The following DMD variants were observed in gnomAD, a reference collection of about 807,000 sequenced individuals.
The protein encoded by DMD is dystrophin.
In DMD, 63 loss-of-function variants were observed where a neutral mutation model predicts 330.1. The ratio of observed to expected loss-of-function variants is 0.19; its 90% CI spans 0.16 to 0.24. DMD has a LOEUF of 0.24. DMD is among the 10% of genes least tolerant of loss of function. The pLI is 1.00. For missense variants in DMD, 3,344 were observed against 2,684.1 expected (o/e 1.25, Z -5.43); for synonymous variants, 1,223 against 959.8 (o/e 1.27, Z -5.07).
intron 44 of DMD, among the ~76,000 whole-genome samples, chrX:31,984,530 A>G (rs1192455879): frequency 8.9e-6 from 1 of 112,402 alleles, no homozygotes; most frequent in Non-Finnish European, 1.9e-5. Context: ...AATCAAATAG[A>G]TCTTTTCTCT....
intron 9 of DMD, among the ~76,000 whole-genome samples, chrX:32,681,884 G>A (rs1277343113): frequency 9.8e-6 from 1 of 101,648 alleles, no homozygotes; most frequent in African/African-American, 4.7e-5. Flanking sequence ...TCTCTTTGCA[G>A]TCTAAGGTAA....
intron 59 of DMD, among the ~76,000 whole-genome samples, chrX:31,445,623 G>C (rs1190389313): frequency 9.0e-6 from 1 of 111,563 alleles, no homozygotes; most frequent in African/African-American, 3.3e-5. Context: ...AGGGTATTTT[G>C]TCAAGTCCTC....
At chrX:33,225,685 C>T (rs982817584) in intron 1 of DMD, among the ~76,000 whole-genome samples, 9 of 110,997 alleles carry the variant, frequency 8.1e-5, no homozygotes, top group African/African-American at 1.6e-4. Context: ...ACGTTAAAAT[C>T]GTGTGCCTTA....
chrX:31,797,187 A>C (rs2091871921), intron 50 of DMD, among the ~76,000 whole-genome samples: 1 of 112,038 alleles, frequency 8.9e-6, no homozygotes, highest in South Asian at 3.8e-4. Context: ...CCAATCAGCC[A>C]AGATGCTGGC....
intron 2 of DMD, among the ~76,000 whole-genome samples, chrX:32,983,581 G>T (rs1195689838): frequency 1.5e-5 from 1 of 68,959 alleles, no homozygotes; most frequent in African/African-American, 5.3e-5. Context: ...ACACATATAG[G>T]AACACCGAGA....
At chrX:31,925,472 T>C (rs142247288) in intron 47 of DMD, among the ~76,000 whole-genome samples, 2,037 of 110,605 alleles carry the variant, frequency 0.018, 55 homozygotes, top group African/African-American at 0.063. Flanking sequence ...TAAAAAGACA[T>C]GAAAGAGATG....
intron 44 of DMD, among the ~76,000 whole-genome samples, chrX:32,130,525 AT>A (rs1231446047): frequency 1.8e-5 from 2 of 111,280 alleles, no homozygotes; most frequent in Admixed American, 9.6e-5. Context: ...TTAACATTTA[AT>A]TTATAAACAA....
intron 62 of DMD, among the ~76,000 whole-genome samples, chrX:31,267,954 T>G (rs368903761): frequency 8.9e-6 from 1 of 112,570 alleles, no homozygotes; most frequent in Admixed American, 9.3e-5. Flanking sequence ...TTTATTTTGT[T>G]GGCTTGCTTT....
chrX:32,568,782 G>A (rs1046997278), intron 15 of DMD, among the ~76,000 whole-genome samples: 2 of 110,749 alleles, frequency 1.8e-5, no homozygotes, highest in African/African-American at 3.3e-5. Context: ...AACTGAGGGA[G>A]GAAAAGAAAG....
At chrX:32,902,514 T>A (rs1350536155) in intron 2 of DMD, among the ~76,000 whole-genome samples, 2 of 110,843 alleles carry the variant, frequency 1.8e-5, no homozygotes, top group African/African-American at 6.7e-5. Flanking sequence ...TGGACAGATA[T>A]ATTAATCCAT....
At chrX:31,750,548 C>G (rs2088440413) in intron 51 of DMD, among the ~76,000 whole-genome samples, 1 of 111,127 alleles carries the variant, frequency 9.0e-6, no homozygotes, top group African/African-American at 3.3e-5. Flanking sequence ...GTTACTGTAG[C>G]CTTGTACTAT....
intron 44 of DMD, among the ~76,000 whole-genome samples, chrX:32,076,272 A>G (rs989944469): frequency 1.8e-5 from 2 of 109,316 alleles, no homozygotes; most frequent in African/African-American, 6.7e-5. Context: ...GCTTTAAAAG[A>G]GCTAGACAGG....
At chrX:33,008,461 C>T (rs2088502245) in intron 2 of DMD, among the ~76,000 whole-genome samples, 1 of 110,387 alleles carries the variant, frequency 9.1e-6, no homozygotes, top group African/African-American at 3.3e-5. Context: ...AGAGGAAGAC[C>T]TTCAGAGTGT....
At chrX:32,801,239 T>G (rs1207463113) in intron 7 of DMD, among the ~76,000 whole-genome samples, 2 of 111,906 alleles carry the variant, frequency 1.8e-5, no homozygotes, top group African/African-American at 6.5e-5. Flanking sequence ...AGATGGTATC[T>G]CATTGTGGTT....
chrX:31,894,756 A>G (rs752624505), intron 47 of DMD, among the ~76,000 whole-genome samples: 59 of 111,673 alleles, frequency 5.3e-4, no homozygotes, highest in Admixed American at 2.9e-3. Flanking sequence ...AACTTTTTAC[A>G]CAGTAGATAC....
chrX:31,333,881 A>C (rs1342592030), intron 61 of DMD, among the ~76,000 whole-genome samples: 1 of 111,795 alleles, frequency 8.9e-6, no homozygotes, highest in East Asian at 2.8e-4. Flanking sequence ...CCCTTTTCTG[A>C]ACAGAAGGGC....
At chrX:32,873,542 T>C (rs1030617091) in intron 2 of DMD, among the ~76,000 whole-genome samples, 5 of 111,535 alleles carry the variant, frequency 4.5e-5, no homozygotes, top group African/African-American at 1.6e-4. Flanking sequence ...CATGAGTACA[T>C]CAAGGCACAT....
chrX:32,452,454 A>AG (rs2098337540), intron 26 of DMD, among the ~76,000 whole-genome samples: 2 of 14,100 alleles, frequency 1.4e-4, no homozygotes, highest in African/African-American at 3.9e-4. Flanking sequence ...AGGAAAGGAA[A>AG]GGAAAGGAAA....
intron 7 of DMD, among the ~76,000 whole-genome samples, chrX:32,701,392 CT>C (rs1907165765): frequency 8.9e-6 from 1 of 111,903 alleles, no homozygotes; most frequent in Admixed American, 9.5e-5. Context: ...TTTGCAAGTA[CT>C]TTTTAAAGAA....
Sources: allele counts gnomAD v4.1 joint callset (sites outside exome capture counted in the v4.1 genomes callset), GRCh38; gene constraint gnomAD v4.1.1; transcripts MANE v1.5; gene names NCBI Gene and HGNC (gene_info 2026-07-23, HGNC 2026-07-21).